Variants in NTNG2 observed in about 807,000 individuals in gnomAD.
NTNG2 encodes the protein netrin-G2.
Under a neutral mutation model 47.6 loss-of-function variants are expected in NTNG2, and 15 were observed. The observed-to-expected ratio is 0.32, with a 90% confidence interval of 0.21 to 0.49. The LOEUF is 0.49. Ranked by LOEUF, NTNG2 falls within the 20% of genes least tolerant of loss-of-function variation. The probability of loss-of-function intolerance (pLI) is 0.99; values close to 1 mark genes in which losing one functional copy is unlikely to be tolerated. For missense variants in NTNG2, 578 were observed against 764.6 expected (o/e 0.76, Z 2.88); for synonymous variants, 307 against 324.6 (o/e 0.95, Z 0.58).
At position 132,197,914 on chromosome 9, in the gene NTNG2, G is replaced by A. The variant is rs1469826157; in HGVS notation, c.214-52G>A. The A allele has an allele frequency of 6.5e-7, 1 of 1,548,228 alleles. No homozygotes were observed. The highest frequency in any genetic ancestry group is 1.8e-5 in the Admixed American group (1 of 54,832). On this transcript the variant is annotated intron_variant, in intron 2 of 7. Transcript: ENST00000393229. The surrounding 1 kb of genome is among the most constrained non-coding windows in gnomAD (Gnocchi z 4.3). ...GCTAGGCCGCGCAGAGGCTTCCCAGGCCATCCCGAGCATCCAGCACCCACC... is the reference window on the plus strand; with the variant it reads ...GCTAGGCCGCGCAGAGGCTTCCCAGACCATCCCGAGCATCCAGCACCCACC...
rs1225617287 is a variant in NTNG2, at chr9:132,236,530, C to T, written c.1055-2574C>T. 6.6e-6 allele frequency among the ~76,000 whole-genome samples: 1 copy of T among 152,264 alleles called. No individual in the cohort carries two copies. The highest frequency in any genetic ancestry group is 1.9e-4 in the East Asian group (1 of 5,200). On this transcript the variant is annotated intron_variant, in intron 5 of 7. Coordinates refer to ENST00000393229, the MANE Select transcript of NTNG2 (RefSeq NM_032536.4). The surrounding 1 kb of genome is among the most constrained non-coding windows in gnomAD (Gnocchi z 4.3). Reference sequence around the variant, plus strand: ...CACATGTTCAAATTTCCTCCAGCCCCAGCTCTGAGCAGCGAGCAGGGCTTT... The same window carrying T: ...CACATGTTCAAATTTCCTCCAGCCCTAGCTCTGAGCAGCGAGCAGGGCTTT...
At chr9:132,175,451 T>C (rs1355395471) in intron 2 of NTNG2, among the ~76,000 whole-genome samples, 1 of 152,122 alleles carries the variant, frequency 6.6e-6, no homozygotes, top group Non-Finnish European at 1.5e-5. Flanking sequence ...CTGGACCACG[T>C]GGTTGCTGAG....
Position 132,231,616 on chromosome 9 carries a change from T to G in NTNG2, c.1054+1021T>G. 1 of 270,352 alleles carries G rather than the reference T, an allele frequency of 3.7e-6. No individual in the cohort carries two copies. Among genetic ancestry groups the G allele is most frequent in the East Asian group, 1.5e-4 (1 of 6,718 alleles). The allele number at this position is 270,352 out of a possible 1,614,324, so 16.7% of individuals were successfully genotyped here. A position where few individuals can be genotyped will look rare whatever the true frequency, so the allele number is the denominator to read the frequency against. On this transcript the variant is annotated intron_variant, in intron 5 of 7. Coordinates refer to ENST00000393229, the MANE Select transcript of NTNG2 (RefSeq NM_032536.4). The surrounding 1 kb of genome is among the most constrained non-coding windows in gnomAD (Gnocchi z 4.1). ...CCCCACCCCGGCAACCCCCCAACCC[T>G]CTCTTGCTTTTCCCATCTCTCACCA... is the stretch of plus-strand genomic sequence containing the variant.
intron 7 of NTNG2, chr9:132,241,458 G>A (rs1004795908): frequency 9.1e-6 from 3 of 329,242 alleles, no homozygotes; most frequent in Non-Finnish European, 1.1e-5. Context: ...GCACGGTGGT[G>A]CCTGGTGGGA....
intron 6 of NTNG2, among the ~76,000 whole-genome samples, chr9:132,239,958 G>T (rs1001767951): frequency 6.6e-6 from 1 of 152,250 alleles, no homozygotes; most frequent in Non-Finnish European, 1.5e-5. Context: ...TGGCTTTTGG[G>T]TAGAGAAGGA....
At chr9:132,203,216 T>C (rs1002945415) in intron 3 of NTNG2, among the ~76,000 whole-genome samples, 2 of 152,132 alleles carry the variant, frequency 1.3e-5, no homozygotes, top group African/African-American at 4.8e-5. Context: ...GGTGTGCGCC[T>C]GTAGTCCTAG....
In NTNG2 at chr9:132,207,398, C is replaced by A. The variant is rs112554179; in HGVS notation, c.857+8789C>A. Among the ~76,000 whole-genome samples the A allele has an allele frequency of 5.9e-5, 9 of 152,322 alleles. 1 individual carries two copies. The highest frequency in any genetic ancestry group is 1.9e-4 in the African/African-American group (8 of 41,576). The stretch of plus-strand genomic sequence containing the variant: ...TCCTGGTGGGGCCGGCAGCCTCTGG[C>A]GTTCCTGGGCTTGCAGCTGCGTCAC... On this transcript the variant is annotated intron_variant, in intron 3 of 7. Coordinates refer to ENST00000393229, the MANE Select transcript of NTNG2 (RefSeq NM_032536.4).
At chr9:132,212,094 C>T (rs553506201) in intron 3 of NTNG2, among the ~76,000 whole-genome samples, 68 of 152,344 alleles carry the variant, frequency 4.5e-4, no homozygotes, top group African/African-American at 1.6e-3. Flanking sequence ...CCCTTGTCGC[C>T]TCCCACCCTT....
rs138742165 is a variant in NTNG2 at position 132,169,714 on chromosome 9, C to T, written c.213+2670C>T. 1.1e-3 allele frequency among the ~76,000 whole-genome samples: 174 copies of T among 152,340 alleles called. 2 individuals are homozygous for T. The highest frequency in any genetic ancestry group is 4.0e-3 in the African/African-American group (166 of 41,590). Reference sequence around the variant, plus strand: ...TAATGTAGGAGTGTCACGGTGCTGGCGGGACGGCACAGCCCGGCCGTGCTG... The same window carrying T: ...TAATGTAGGAGTGTCACGGTGCTGGTGGGACGGCACAGCCCGGCCGTGCTG... On this transcript the variant is annotated intron_variant, in intron 2 of 7. Transcript: ENST00000393229.
chr9:132,190,832 G>A (rs1026772665), intron 2 of NTNG2, among the ~76,000 whole-genome samples: 3 of 152,268 alleles, frequency 2.0e-5, no homozygotes, highest in East Asian at 1.9e-4. Context: ...CTCCTCACCC[G>A]GTTCTCTGGT....
rs1441371645 is a variant in NTNG2 at position 132,231,028 on chromosome 9, C to T, written c.1054+433C>T. ...TCAAGAGTGGGGTGACCTTCCCCCA[C>T]CAGGGGCAGAATCCACCCCCTAGCC... On this transcript the variant is annotated intron_variant, in intron 5 of 7. Coordinates refer to ENST00000393229, the MANE Select transcript of NTNG2 (RefSeq NM_032536.4). This position sits in a 1 kb window ranked among gnomAD's most constrained non-coding sequence, Gnocchi z 4.1. 1.3e-5 allele frequency among the ~76,000 whole-genome samples: 2 copies of T among 152,120 alleles called. No homozygotes were observed. Among genetic ancestry groups the T allele is most frequent in the Non-Finnish European group, 2.9e-5 (2 of 68,006 alleles).
intron 5 of NTNG2, among the ~76,000 whole-genome samples, chr9:132,234,670 C>A (rs1264472227): frequency 6.6e-6 from 1 of 152,244 alleles, no homozygotes; most frequent in African/African-American, 2.4e-5. Flanking sequence ...GCTGGAGACA[C>A]TAATCCTTTC....
At chr9:132,167,937 T>G (rs1835616668) in intron 2 of NTNG2, among the ~76,000 whole-genome samples, 1 of 152,214 alleles carries the variant, frequency 6.6e-6, no homozygotes, top group Non-Finnish European at 1.5e-5. Flanking sequence ...TGTGGGCTTC[T>G]GTTCTGTCAT....
At chr9:132,165,663 A>C (rs1835459036) in intron 1 of NTNG2, among the ~76,000 whole-genome samples, 2 of 152,188 alleles carry the variant, frequency 1.3e-5, no homozygotes, top group Admixed American at 1.3e-4. Context: ...CTTTGCCTTT[A>C]ACAACTTTGA....
At chr9:132,172,149 G>A (rs1272486419) in intron 2 of NTNG2, among the ~76,000 whole-genome samples, 2 of 152,130 alleles carry the variant, frequency 1.3e-5, no homozygotes, top group Non-Finnish European at 1.5e-5. Context: ...TCCTCCACCC[G>A]AATGCCTGCC....
At chr9:132,175,306 G>T (rs184745185) in intron 2 of NTNG2, among the ~76,000 whole-genome samples, 45 of 152,306 alleles carry the variant, frequency 3.0e-4, no homozygotes, top group South Asian at 1.5e-3. Context: ...GCTCCTGACC[G>T]CTCGCTAGGG....
rs1840104962 is a variant in NTNG2 at position 132,218,029 on chromosome 9, G to T, written c.858-8820G>T. On this transcript the variant is annotated intron_variant, in intron 3 of 7. Coordinates refer to ENST00000393229, the MANE Select transcript of NTNG2 (RefSeq NM_032536.4). The surrounding 1 kb of genome is among the most constrained non-coding windows in gnomAD (Gnocchi z 5.4). ...TCACTGGTGTGCGTGGCAGCCTGTG[G>T]CATACACAAGATATTGTTTCCCGCT... Among the ~76,000 whole-genome samples the T allele has an allele frequency of 6.6e-6, 1 of 152,214 alleles. No individual in the cohort carries two copies. Among genetic ancestry groups the T allele is most frequent in the Non-Finnish European group, 1.5e-5 (1 of 68,036 alleles).
chr9:132,212,410 G>C (rs1040278903), intron 3 of NTNG2, among the ~76,000 whole-genome samples: 12 of 152,218 alleles, frequency 7.9e-5, no homozygotes, highest in Non-Finnish European at 1.5e-4. Flanking sequence ...AATAGACTGA[G>C]GAGGTGAGGT....
chr9:132,175,170 C>T (rs1448654848), intron 2 of NTNG2, among the ~76,000 whole-genome samples: 1 of 152,066 alleles, frequency 6.6e-6, no homozygotes, highest in Non-Finnish European at 1.5e-5. Context: ...AGGAGACAGT[C>T]CACTCCCCCT....
Sources: allele counts gnomAD v4.1 joint callset (sites outside exome capture counted in the v4.1 genomes callset), GRCh38; gene constraint gnomAD v4.1.1; non-coding constraint Gnocchi (gnomAD v3.1); transcripts MANE v1.5; gene names NCBI Gene and HGNC (gene_info 2026-07-23, HGNC 2026-07-21).